Variants in GALNT13 observed in about 807,000 individuals in gnomAD.
GALNT13 encodes UDP-GalNAc:polypeptide N-acetylgalactosaminyltransferase 13.
A neutral mutation model predicts 64.2 loss-of-function variants in GALNT13; 28 were observed. The ratio of observed to expected loss-of-function variants is 0.44; its 90% CI spans 0.32 to 0.60. GALNT13 has a LOEUF of 0.60. Among genes scored for constraint, GALNT13 ranks in the 20% least tolerant of loss-of-function variants. GALNT13 has a pLI of 0.05. For synonymous variants in GALNT13, 214 were observed against 224.6 expected, an observed-to-expected ratio of 0.95 and a Z score of 0.42; for missense variants, 577 against 669.8, an observed-to-expected ratio of 0.86 and a Z score of 1.53.
At chr2:154,222,110 C>T (rs1375029523) in intron 4 of GALNT13, among the ~76,000 whole-genome samples, 1 of 151,910 alleles carries the variant, frequency 6.6e-6, no homozygotes, top group Non-Finnish European at 1.5e-5. Context: ...CTTTACATAC[C>T]ATTGTTCCAT....
chr2:153,134,556 G>A, the GALNT13 span, among the ~76,000 whole-genome samples: 1 of 152,044 alleles, frequency 6.6e-6, no homozygotes, highest in African/African-American at 2.4e-5. Flanking sequence ...AATAGCCTTG[G>A]GCAAAACTGA....
the GALNT13 span, among the ~76,000 whole-genome samples, chr2:153,548,271 G>A: frequency 2.0e-5 from 3 of 152,120 alleles, no homozygotes; most frequent in South Asian, 6.2e-4. Context: ...ATGTTGATCT[G>A]CTCCGTGGAT....
chr2:154,355,793 T>C (rs1007038517), intron 9 of GALNT13, among the ~76,000 whole-genome samples: 2 of 152,086 alleles, frequency 1.3e-5, no homozygotes, highest in Admixed American at 1.3e-4. Flanking sequence ...TCTAGAACTT[T>C]GGACACTGTG....
rs540803929 is a variant in GALNT13, at chr2:154,372,607, T to G, written c.1157-23384T>G. On this transcript the variant is annotated intron_variant, in intron 9 of 12. Transcript: ENST00000392825. Reference sequence around the variant, plus strand: ...CAGCCATTGAAATATTTACAAGGTGTCTTTTATTAAGAAATTTCTTAGGAA... The same window carrying G: ...CAGCCATTGAAATATTTACAAGGTGGCTTTTATTAAGAAATTTCTTAGGAA... 3.9e-5 allele frequency among the ~76,000 whole-genome samples: 6 copies of G among 152,226 alleles called. No homozygotes were observed. The South Asian group carries it at 1.2e-3, about 32-fold the overall frequency.
At chr2:154,051,504 A>G (rs1264228881) in intron 3 of GALNT13, among the ~76,000 whole-genome samples, 1 of 151,398 alleles carries the variant, frequency 6.6e-6, no homozygotes, top group African/African-American at 2.4e-5. Context: ...GTTAGCCAGG[A>G]TGGTCTCGAT....
At chr2:154,415,848 C>T (rs573891378) in intron 11 of GALNT13, among the ~76,000 whole-genome samples, 1 of 152,152 alleles carries the variant, frequency 6.6e-6, no homozygotes, top group Admixed American at 6.5e-5. Context: ...ACTTAGAAGC[C>T]ATTTCAATAC....
At chr2:154,402,766 C>T (rs1040035133) in intron 10 of GALNT13, among the ~76,000 whole-genome samples, 4 of 152,214 alleles carry the variant, frequency 2.6e-5, no homozygotes, top group Middle Eastern at 3.4e-3. Context: ...AATATGGTAC[C>T]GTTGACAAAA....
At chr2:154,352,705 T>C (rs1696480583) in intron 9 of GALNT13, among the ~76,000 whole-genome samples, 1 of 152,220 alleles carries the variant, frequency 6.6e-6, no homozygotes, top group Admixed American at 6.5e-5. Context: ...GAGAAATGTT[T>C]CCCACACTAC....
chr2:153,439,607 A>T, the GALNT13 span, among the ~76,000 whole-genome samples: 1 of 152,164 alleles, frequency 6.6e-6, no homozygotes, highest in East Asian at 1.9e-4. Flanking sequence ...TGGGCATAGG[A>T]CAATCTCAGC....
chr2:153,455,055 A>G, the GALNT13 span, among the ~76,000 whole-genome samples: 1 of 152,338 alleles, frequency 6.6e-6, no homozygotes, highest in Non-Finnish European at 1.5e-5. Context: ...ATAACCTGAA[A>G]GTGAATAAGT....
chr2:153,705,953 A>G, the GALNT13 span, among the ~76,000 whole-genome samples: 1 of 151,976 alleles, frequency 6.6e-6, no homozygotes, highest in Non-Finnish European at 1.5e-5. Context: ...CTTTTCAATT[A>G]TCTTTTGCAA....
intron 4 of GALNT13, among the ~76,000 whole-genome samples, chr2:154,215,494 T>C (rs912279305): frequency 1.3e-5 from 2 of 152,120 alleles, no homozygotes; most frequent in African/African-American, 4.8e-5. Context: ...CCACCACATT[T>C]GTCCACTCAT....
the GALNT13 span, among the ~76,000 whole-genome samples, chr2:153,287,280 T>C: frequency 6.6e-6 from 1 of 151,962 alleles, no homozygotes; most frequent in Admixed American, 6.5e-5. Context: ...CCTTCGAGGG[T>C]TGAGTGTTTA....
chr2:153,643,573 A>C, the GALNT13 span, among the ~76,000 whole-genome samples: 184 of 151,780 alleles, frequency 1.2e-3, no homozygotes, highest in Non-Finnish European at 2.1e-3. Context: ...ATCTCCACAA[A>C]ATTTCCATAC....
At chr2:153,632,188 T>G in the GALNT13 span, among the ~76,000 whole-genome samples, 1 of 152,166 alleles carries the variant, frequency 6.6e-6, no homozygotes. Flanking sequence ...TTTTTCCTGG[T>G]GATTAAAACA....
chr2:153,105,202 G>T, the GALNT13 span, among the ~76,000 whole-genome samples: 5 of 151,782 alleles, frequency 3.3e-5, no homozygotes, highest in Non-Finnish European at 5.9e-5. Context: ...TCCCTGGGAT[G>T]CAAGGCTGGT....
the GALNT13 span, among the ~76,000 whole-genome samples, chr2:153,680,714 C>G: frequency 2.0e-5 from 3 of 151,814 alleles, no homozygotes; most frequent in Non-Finnish European, 4.4e-5. Context: ...ATTTTCCTAC[C>G]TCTCTGTCCA....
the GALNT13 span, among the ~76,000 whole-genome samples, chr2:153,129,983 G>A: frequency 2.0e-5 from 3 of 152,166 alleles, no homozygotes; most frequent in Non-Finnish European, 2.9e-5. Flanking sequence ...CGGCTGTGAG[G>A]ATGACAGGCC....
At chr2:153,082,598 T>TA in the GALNT13 span, among the ~76,000 whole-genome samples, 2 of 46,338 alleles carry the variant, frequency 4.3e-5, no homozygotes, top group African/African-American at 1.8e-4. Flanking sequence ...TATATATATA[T>TA]ATATATATAT....
Sources: gnomAD v4.1 joint callset for allele counts (sites outside exome capture counted in the v4.1 genomes callset) on GRCh38, gnomAD v4.1.1 for gene constraint, MANE v1.5 for transcripts, NCBI Gene and HGNC (gene_info 2026-07-23, HGNC 2026-07-21) for gene names.